The following KCNN2 variants were observed in gnomAD, a reference collection of about 807,000 sequenced individuals.
The protein encoded by KCNN2 is potassium calcium-activated channel subfamily N member 2, also known as small conductance calcium-activated potassium channel protein 2.
In KCNN2, 24 loss-of-function variants were observed where a neutral mutation model predicts 55.5. That is an observed-to-expected ratio of 0.43 (90% CI 0.31 to 0.61). KCNN2 has a LOEUF of 0.61. Among genes scored for constraint, KCNN2 ranks in the 20% least tolerant of loss-of-function variants. KCNN2 has a pLI of 0.08. For synonymous variants in KCNN2, 431 were observed against 336.1 expected, an observed-to-expected ratio of 1.28 and a Z score of -3.09; for missense variants, 754 against 853.6, an observed-to-expected ratio of 0.88 and a Z score of 1.45.
intron 1 of KCNN2, among the ~76,000 whole-genome samples, chr5:114,156,784 T>C (rs1034452945): frequency 6.6e-6 from 1 of 152,040 alleles, no homozygotes; most frequent in African/African-American, 2.4e-5. Flanking sequence ...TTCATGCCTT[T>C]TATTAATATG....
chr5:114,487,540 A>G (rs1747633803), intron 6 of KCNN2, among the ~76,000 whole-genome samples: 1 of 152,186 alleles, frequency 6.6e-6, no homozygotes, highest in Admixed American at 6.6e-5. Context: ...ATATGAAAGT[A>G]GTGCATATAA....
intron 2 of KCNN2, among the ~76,000 whole-genome samples, chr5:114,281,551 G>T (rs1328482807): frequency 1.3e-5 from 2 of 151,466 alleles, no homozygotes; most frequent in Non-Finnish European, 2.9e-5. Flanking sequence ...GGCTTGGTAG[G>T]AACTGCTTCC....
chr5:114,159,940 G>C lies in KCNN2; in HGVS notation c.-270-61540G>C, dbSNP rs547446186. Among the ~76,000 whole-genome samples, 18 of 151,836 alleles carry C rather than the reference G, an allele frequency of 1.2e-4. No homozygotes were observed. The East Asian group carries it at 2.7e-3, about 23-fold the overall frequency. On this transcript the variant is annotated intron_variant, in intron 1 of 10. Coordinates refer to the KCNN2 transcript ENST00000512097. ...TAGTGGTCTATCAATTTTGTTGATC[G>C]TTTCAAAAAACCAGCTCCTGGATTC...
chr5:114,417,932 A>T (rs1439278074), intron 3 of KCNN2, among the ~76,000 whole-genome samples: 1 of 152,208 alleles, frequency 6.6e-6, no homozygotes, highest in Non-Finnish European at 1.5e-5. Context: ...ATAAAACCTT[A>T]CAAGTCATCT....
At chr5:114,271,062 G>C (rs1376027388) in intron 2 of KCNN2, among the ~76,000 whole-genome samples, 2 of 152,124 alleles carry the variant, frequency 1.3e-5, no homozygotes, top group African/African-American at 2.4e-5. Context: ...AAGGTGACCC[G>C]AGTGGGTTGC....
At chr5:114,089,118 C>G (rs1233568754) in intron 1 of KCNN2, among the ~76,000 whole-genome samples, 3 of 151,966 alleles carry the variant, frequency 2.0e-5, no homozygotes, top group Admixed American at 2.0e-4. Flanking sequence ...TTTTCAGCTT[C>G]TTTTTATATC....
intron 2 of KCNN2, among the ~76,000 whole-genome samples, chr5:114,258,036 G>T (rs1341672925): frequency 6.6e-6 from 1 of 151,910 alleles, no homozygotes; most frequent in Non-Finnish European, 1.5e-5. Flanking sequence ...GTTTGTTGAG[G>T]GTTTTTTAAT....
chr5:114,134,019 G>A (rs1752120067), intron 1 of KCNN2, among the ~76,000 whole-genome samples: 1 of 152,144 alleles, frequency 6.6e-6, no homozygotes, highest in Non-Finnish European at 1.5e-5. Flanking sequence ...TTGGCTGGAT[G>A]CAGTTCATCA....
chr5:114,435,484 T>C (rs1759971839), intron 3 of KCNN2, among the ~76,000 whole-genome samples: 1 of 152,182 alleles, frequency 6.6e-6, no homozygotes, highest in Non-Finnish European at 1.5e-5. Flanking sequence ...AAAATAATGT[T>C]TCTAGACTTC....
intron 2 of KCNN2, among the ~76,000 whole-genome samples, chr5:114,223,206 A>G (rs1754178915): frequency 6.6e-6 from 1 of 152,234 alleles, no homozygotes; most frequent in Admixed American, 6.5e-5. Context: ...TGACACTAAC[A>G]GTTTTGAAGG....
At chr5:114,142,313 G>T (rs914593068) in intron 1 of KCNN2, among the ~76,000 whole-genome samples, 2 of 152,094 alleles carry the variant, frequency 1.3e-5, no homozygotes, top group Non-Finnish European at 1.5e-5. Context: ...TTTGTATAAG[G>T]TGTAAGGAAG....
intron 2 of KCNN2, among the ~76,000 whole-genome samples, chr5:114,272,502 A>ATG (rs1013309175): frequency 6.6e-6 from 1 of 152,120 alleles, no homozygotes; most frequent in African/African-American, 2.4e-5. Context: ...ATACACATAC[A>ATG]TATGTATGTA....
intron 2 of KCNN2, among the ~76,000 whole-genome samples, chr5:114,223,684 C>G (rs1343928014): frequency 6.6e-6 from 1 of 152,078 alleles, no homozygotes; most frequent in Non-Finnish European, 1.5e-5. Flanking sequence ...ACATTTTTCA[C>G]AGAGCATCTA....
chr5:114,096,085 T>C (rs1751250320), intron 1 of KCNN2, among the ~76,000 whole-genome samples: 2 of 152,080 alleles, frequency 1.3e-5, no homozygotes, highest in Admixed American at 1.3e-4. Context: ...CCAGGAGCAG[T>C]GTAACTTAAT....
intron 1 of KCNN2, among the ~76,000 whole-genome samples, chr5:114,215,725 T>A (rs1182426976): frequency 6.6e-6 from 1 of 152,134 alleles, no homozygotes; most frequent in Non-Finnish European, 1.5e-5. Flanking sequence ...ATCGACTGTT[T>A]TCTTATAACT....
upstream of KCNN2, among the ~76,000 whole-genome samples, chr5:114,360,529 T>C (rs1757385959): frequency 2.6e-5 from 4 of 152,198 alleles, no homozygotes; most frequent in Admixed American, 2.6e-4. Flanking sequence ...GCCAATTTCT[T>C]TCACCTTCTT....
chr5:114,305,869 T>A (rs917913589), intron 2 of KCNN2, among the ~76,000 whole-genome samples: 1 of 152,096 alleles, frequency 6.6e-6, no homozygotes, highest in South Asian at 2.1e-4. Flanking sequence ...AGAAAATAGG[T>A]TTATAGGTCT....
At chr5:114,199,207 A>C (rs1753619518) in intron 1 of KCNN2, among the ~76,000 whole-genome samples, 1 of 152,060 alleles carries the variant, frequency 6.6e-6, no homozygotes, top group Admixed American at 6.6e-5. Flanking sequence ...TTTTTGACTT[A>C]AAGTTTGATT....
chr5:114,491,636 T>G (rs1233239245), intron 6 of KCNN2, among the ~76,000 whole-genome samples: 2 of 151,850 alleles, frequency 1.3e-5, no homozygotes, highest in Non-Finnish European at 2.9e-5. Flanking sequence ...CTAAAAGGAT[T>G]AACTGTTTTC....
Sources: allele counts gnomAD v4.1 joint callset (sites outside exome capture counted in the v4.1 genomes callset), GRCh38; gene constraint gnomAD v4.1.1; transcripts MANE v1.5; gene names NCBI Gene and HGNC (gene_info 2026-07-23, HGNC 2026-07-21).